ADGRG6: variants seen among roughly 807,000 people sequenced by gnomAD.
The protein encoded by ADGRG6 is adhesion G protein-coupled receptor G6.
Under a neutral mutation model 142.4 loss-of-function variants are expected in ADGRG6, and 84 were observed. The ratio of observed to expected loss-of-function variants is 0.59; its 90% CI spans 0.49 to 0.71. The LOEUF (loss-of-function observed/expected upper bound fraction) is 0.71, where lower values mean the gene tolerates loss of function less well. ADGRG6 is among the 30% of genes least tolerant of loss of function. The pLI is 0.00. For synonymous variants in ADGRG6, 521 were observed against 520.5 expected (o/e 1.00, Z -0.01); for missense variants, 1,367 against 1,466.6 (o/e 0.93, Z 1.11).
intron 2 of ADGRG6, among the ~76,000 whole-genome samples, chr6:142,322,834 C>T (rs1778583256): frequency 6.6e-6 from 1 of 152,106 alleles, no homozygotes; most frequent in Non-Finnish European, 1.5e-5. Context: ...GTCCTCATTT[C>T]ACAAATGCCT....
Position 142,400,485 on chromosome 6 carries a change from G to C in ADGRG6, c.1568G>C (p.Gly523Ala), listed in dbSNP as rs1233039040. The C allele has an allele frequency of 7.1e-7, 1 of 1,412,644 alleles. No homozygotes were observed. Among genetic ancestry groups the C allele is most frequent in the Non-Finnish European group, 1.0e-6 (1 of 997,288 alleles). The allele number at this position is 1,412,644 out of a possible 1,614,324, so 87.5% of individuals were successfully genotyped here. A position where few individuals can be genotyped will look rare whatever the true frequency, so the allele number is the denominator to read the frequency against. Reference protein sequence around the residue: ...RLHTVNVRQLGHCLAMEEPKG... With the variant: ...RLHTVNVRQLAHCLAMEEPKG... ...CATGCTGGTTCTTATGTTCATATAG[G>C]TCATTGTCTTGCCATGGAGGAACCC... The change falls in exon 11 of 25, where the codon GGT becomes GCT. Residue 523 changes from glycine to alanine, a missense_variant and splice_region_variant. Gly to Ala is a moderately conservative substitution (Grantham distance 60). Transcript: ENST00000367609.
At position 142,415,040 on chromosome 6, in the gene ADGRG6, G is replaced by A. The variant is rs776867187; in HGVS notation, c.2613G>A (p.Gly871=). The change falls in exon 19 of 25, where the codon GGG becomes GGA. Residue 871 remains glycine, a synonymous_variant. Transcript: ENST00000367609. ...TCCTCACTTTCATCAGCTATATTGG[G>A]TGTGGAATATCTGCTATTTTTTCAG... ...TKVLTFISYI[G]CGISAIFSAA... 1.4e-5 allele frequency: 22 copies of A among 1,610,254 alleles called. No homozygotes were observed. The highest frequency in any genetic ancestry group is 4.2e-6 in the Non-Finnish European group (5 of 1,177,890).
intron 4 of ADGRG6, among the ~76,000 whole-genome samples, chr6:142,375,857 A>AT (rs1019491011): frequency 6.6e-6 from 1 of 151,978 alleles, no homozygotes; most frequent in African/African-American, 2.4e-5. Context: ...ATATCCTGTC[A>AT]TTTTTTTCAC....
At chr6:142,431,097 T>G (rs1446976035) in intron 22 of ADGRG6, among the ~76,000 whole-genome samples, 3 of 151,990 alleles carry the variant, frequency 2.0e-5, no homozygotes, top group Non-Finnish European at 4.4e-5. Flanking sequence ...AATTACAGTT[T>G]TTTTTTTTTA....
At chr6:142,437,026 C>T (rs954758366) in intron 22 of ADGRG6, among the ~76,000 whole-genome samples, 2 of 152,122 alleles carry the variant, frequency 1.3e-5, no homozygotes, top group African/African-American at 4.8e-5. Context: ...CAAATTGAAA[C>T]AGATGATGAG....
At chr6:142,414,735 A>G (rs1209457602) in intron 18 of ADGRG6, among the ~76,000 whole-genome samples, 1 of 152,238 alleles carries the variant, frequency 6.6e-6, no homozygotes, top group Non-Finnish European at 1.5e-5. Context: ...TTGGGAAAGA[A>G]GGTAATGATG....
intron 1 of ADGRG6, among the ~76,000 whole-genome samples, chr6:142,308,672 G>T (rs1053655934): frequency 1.3e-5 from 2 of 151,554 alleles, no homozygotes; most frequent in Non-Finnish European, 3.0e-5. Flanking sequence ...TTACCTTCCT[G>T]CCTCACAACT....
At chr6:142,414,711 G>A (rs573687320) in intron 18 of ADGRG6, among the ~76,000 whole-genome samples, 4 of 152,280 alleles carry the variant, frequency 2.6e-5, no homozygotes, top group South Asian at 2.1e-4. Flanking sequence ...AGGTTATACC[G>A]GTTTGCAGAA....
intron 2 of ADGRG6, among the ~76,000 whole-genome samples, chr6:142,315,368 G>GA (rs143784910): frequency 0.065 from 9,410 of 145,266 alleles, 347 homozygotes; most frequent in Non-Finnish European, 0.074. Flanking sequence ...AAAGAAGATG[G>GA]AAAAAAAAAA....
At position 142,400,556 on chromosome 6, in the gene ADGRG6, C is replaced by G. The variant is rs1278191598; in HGVS notation, c.1639C>G (p.Pro547Ala). ...TATCCAACCTTCTGAATACGTTCTT[C>G]CTTGTCCAGACAAGCCTGGCTTTTC... Reference protein sequence around the residue: ...PSIQPSEYVLPCPDKPGFSAS... With the variant: ...PSIQPSEYVLACPDKPGFSAS... The change falls in exon 11 of 25, where the codon CCT becomes GCT. Residue 547 changes from proline to alanine, a missense_variant. Pro to Ala is a conservative substitution (Grantham distance 27). This residue lies in a region of ADGRG6 where 737 missense variants were observed against 746.5 expected (regional missense o/e 0.99). Coordinates refer to ENST00000367609, the MANE Select transcript of ADGRG6 (RefSeq NM_198569.3). The G allele has an allele frequency of 1.2e-6, 2 of 1,606,616 alleles. No homozygotes were observed. The highest frequency in any genetic ancestry group is 8.5e-7 in the Non-Finnish European group (1 of 1,173,606).
At chr6:142,426,646 C>G (rs1388472820) in intron 22 of ADGRG6, among the ~76,000 whole-genome samples, 1 of 152,230 alleles carries the variant, frequency 6.6e-6, no homozygotes, top group Non-Finnish European at 1.5e-5. Context: ...CCAGTAGGGA[C>G]TCTGTGTGGG....
intron 22 of ADGRG6, among the ~76,000 whole-genome samples, chr6:142,434,874 G>T (rs1777401252): frequency 6.6e-6 from 1 of 151,998 alleles, no homozygotes; most frequent in African/African-American, 2.4e-5. Flanking sequence ...TAGAAATTAA[G>T]CTCCTTTTCT....
At chr6:142,371,498 T>A (rs1197786505) in intron 4 of ADGRG6, among the ~76,000 whole-genome samples, 1 of 149,586 alleles carries the variant, frequency 6.7e-6, no homozygotes, top group Non-Finnish European at 1.5e-5. Context: ...TTTTTTTTTT[T>A]TTTGAGACAG....
intron 2 of ADGRG6, among the ~76,000 whole-genome samples, chr6:142,344,350 AATACAAT>A (rs1364782582): frequency 1.3e-5 from 2 of 152,000 alleles, no homozygotes; most frequent in Non-Finnish European, 2.9e-5. Flanking sequence ...ATGCTTTATT[AATACAAT>A]CTGAGTATTT....
At chr6:142,321,909 T>C (rs1385181883) in intron 2 of ADGRG6, among the ~76,000 whole-genome samples, 3 of 152,136 alleles carry the variant, frequency 2.0e-5, no homozygotes, top group African/African-American at 7.2e-5. Flanking sequence ...ATTAACATAA[T>C]TTCACTGCTC....
intron 2 of ADGRG6, among the ~76,000 whole-genome samples, chr6:142,347,037 T>C (rs999231585): frequency 6.6e-6 from 1 of 152,108 alleles, no homozygotes; most frequent in African/African-American, 2.4e-5. Context: ...TAAAAAGCCA[T>C]TTTTTAGTCA....
chr6:142,393,898 T>G lies in ADGRG6; in HGVS notation c.1364T>G (p.Phe455Cys). Residue 455 changes from phenylalanine (F) to cysteine (C), a missense_variant and splice_region_variant, in exon 9 of 25, where the codon TTT (phenylalanine) becomes TGT (cysteine). By Grantham distance (205) the Phe-to-Cys change is radical. Coordinates refer to ENST00000367609, the MANE Select transcript of ADGRG6 (RefSeq NM_198569.3). The stretch of plus-strand genomic sequence containing the variant: ...AATATATGTATTTGTGTTTTTAGTT[T>G]TCACCTGAGTGCTGGAGAGGACAAG... The part of the protein sequence containing the change: ...NYTVYVVNIS[F>C]HLSAGEDKIK... The G allele has an allele frequency of 1.3e-6, 2 of 1,548,230 alleles. No homozygotes were observed. Among genetic ancestry groups the G allele is most frequent in the South Asian group, 1.2e-5 (1 of 84,158 alleles).
At chr6:142,312,877 T>A (rs1375613675) in intron 2 of ADGRG6, among the ~76,000 whole-genome samples, 2 of 152,088 alleles carry the variant, frequency 1.3e-5, no homozygotes. Flanking sequence ...AACAATGTGG[T>A]CAAACTGCCT....
At chr6:142,318,439 A>G (rs529785920) in intron 2 of ADGRG6, among the ~76,000 whole-genome samples, 31 of 126,802 alleles carry the variant, frequency 2.4e-4, no homozygotes, top group African/African-American at 9.0e-4. Flanking sequence ...TTATATATTT[A>G]TATATCAGGC....
Sources: allele counts gnomAD v4.1 joint callset (sites outside exome capture counted in the v4.1 genomes callset), GRCh38; gene constraint gnomAD v4.1.1; regional missense constraint gnomAD v4.1.1; transcripts MANE v1.5; gene names NCBI Gene and HGNC (gene_info 2026-07-23, HGNC 2026-07-21).